The following RAVER2 variants were observed in gnomAD, a reference collection of about 807,000 sequenced individuals.
The protein encoded by RAVER2 is ribonucleoprotein PTB-binding 2.
A neutral mutation model predicts 78.1 loss-of-function variants in RAVER2; 46 were observed. The observed-to-expected ratio is 0.59, with a 90% CI of 0.46 to 0.75. The LOEUF is 0.75. RAVER2 is among the 30% of genes least tolerant of loss of function. The pLI, the probability that RAVER2 is intolerant of heterozygous loss-of-function variation, is 0.00. For synonymous variants in RAVER2, 311 were observed against 313.3 expected, an observed-to-expected ratio of 0.99 and a Z score of 0.08; for missense variants, 793 against 837.5, an observed-to-expected ratio of 0.95 and a Z score of 0.66.
chr1:64,810,669 A>G (rs1040391521), intron 9 of RAVER2, among the ~76,000 whole-genome samples: 3 of 152,142 alleles, frequency 2.0e-5, no homozygotes, highest in African/African-American at 4.8e-5. Context: ...CATTTCCCTA[A>G]TGATTAGTGA....
chr1:64,833,137 T>G, exon 12 of RAVER2: 1 of 178,604 alleles, frequency 5.6e-6, no homozygotes, highest in Non-Finnish European at 1.2e-5. Flanking sequence ...CACCCCTTCC[T>G]CCCCCCAAAA....
chr1:64,829,158 C>G (rs1032359647), intron 11 of RAVER2, among the ~76,000 whole-genome samples: 16 of 152,192 alleles, frequency 1.1e-4, no homozygotes, highest in African/African-American at 3.9e-4. Context: ...TGGCTTCTGA[C>G]AGTGAAGATG....
intron 2 of RAVER2, among the ~76,000 whole-genome samples, chr1:64,776,699 A>G (rs752866814): frequency 1.3e-5 from 2 of 149,036 alleles, no homozygotes; most frequent in African/African-American, 4.9e-5. Context: ...GTGGATTGCT[A>G]TGTATTTTTT....
chr1:64,811,456 C>A (rs937752467), intron 9 of RAVER2, among the ~76,000 whole-genome samples: 2 of 152,124 alleles, frequency 1.3e-5, no homozygotes, highest in Non-Finnish European at 2.9e-5. Flanking sequence ...ACTAGAAGTG[C>A]TCTCAAGAAA....
At chr1:64,766,027 G>A (rs190237050) in intron 1 of RAVER2, among the ~76,000 whole-genome samples, 53 of 152,204 alleles carry the variant, frequency 3.5e-4, no homozygotes, top group African/African-American at 1.2e-3. Context: ...GGGTGATGAC[G>A]TCATTGACTG....
chr1:64,766,763 C>G (rs1652185732), intron 1 of RAVER2, among the ~76,000 whole-genome samples: 1 of 152,082 alleles, frequency 6.6e-6, no homozygotes, highest in African/African-American at 2.4e-5. Context: ...TTCTATGCAA[C>G]TAAAAGCACA....
intron 1 of RAVER2, among the ~76,000 whole-genome samples, chr1:64,746,260 A>G (rs1445297637): frequency 6.6e-6 from 1 of 152,204 alleles, no homozygotes; most frequent in African/African-American, 2.4e-5. Flanking sequence ...ATACCTGAAG[A>G]TAACCATTGT....
chr1:64,815,030 C>A, intron 11 of RAVER2, 190 bp downstream of exon 11: 1 of 417,788 alleles, frequency 2.4e-6, no homozygotes, highest in Non-Finnish European at 3.8e-6. Flanking sequence ...TCATTTTGCA[C>A]TAGATATTTA....
At chr1:64,758,157 T>G (rs1651906923) in intron 1 of RAVER2, among the ~76,000 whole-genome samples, 1 of 152,154 alleles carries the variant, frequency 6.6e-6, no homozygotes, top group African/African-American at 2.4e-5. Flanking sequence ...CCTAAGATAC[T>G]AAGTTAAGAT....
At chr1:64,829,999 T>G (rs1278480150) in intron 11 of RAVER2, among the ~76,000 whole-genome samples, 1 of 152,214 alleles carries the variant, frequency 6.6e-6, no homozygotes, top group Non-Finnish European at 1.5e-5. Context: ...GTGACCGTTG[T>G]TGGTTCAAAA....
chr1:64,781,707 C>CT (rs1236060371), intron 4 of RAVER2, 136 bp downstream of exon 4: 55 of 902,222 alleles, frequency 6.1e-5, no homozygotes, highest in South Asian at 1.7e-4. Flanking sequence ...AAGACTTTTC[C>CT]TTTTTTTTAA....
At position 64,805,209 on chromosome 1, in the gene RAVER2, G is replaced by A. The variant is rs76650742; in HGVS notation, c.1411+104G>A. 1,155 of 1,033,092 alleles carry A rather than the reference G, an allele frequency of 1.1e-3. 1 individual carries two copies. Among genetic ancestry groups the A allele is most frequent in the Admixed American group, 6.1e-3 (230 of 37,840 alleles). 64.0% of individuals were successfully genotyped at this position (1,033,092 alleles called of 1,614,324 possible). ...TTATTTACAGGGAGGTCAAATTTGA[G>A]TTTTATTTAGTCATTTAAAATTTTG... On this transcript the variant is annotated intron_variant, in intron 8 of 11. Coordinates refer to ENST00000294428, the Ensembl canonical transcript of RAVER2.
intron 4 of RAVER2, among the ~76,000 whole-genome samples, chr1:64,787,655 C>T (rs1339801476): frequency 6.6e-6 from 1 of 152,194 alleles, no homozygotes; most frequent in Non-Finnish European, 1.5e-5. Context: ...ATCTTGTCCC[C>T]ATTGTCTCTG....
intron 11 of RAVER2, 90 bp from the exon 12 acceptor site, chr1:64,830,749 A>C (rs191776611): frequency 8.1e-7 from 1 of 1,228,586 alleles, no homozygotes; most frequent in African/African-American, 1.5e-5. Context: ...ATATTCACCA[A>C]GTCAAAGTGG....
intron 5 of RAVER2, among the ~76,000 whole-genome samples, chr1:64,789,996 T>C (rs987881677): frequency 1.3e-5 from 2 of 152,354 alleles, no homozygotes; most frequent in East Asian, 3.9e-4. Flanking sequence ...TTCTAAGTGT[T>C]ATGCAAATCT....
Position 64,814,821 on chromosome 1 carries a change from C to G in RAVER2, c.1910C>G (p.Pro637Arg), listed in dbSNP as rs779443650. 2.5e-6 allele frequency: 4 copies of G among 1,579,280 alleles called. No individual in the cohort carries two copies. The African/African-American group carries it at 5.4e-5, about 21-fold the overall frequency. ...GAAAAGTGCATTGCTTATTCTCCAC[C>G]TTTTGGTGATTATGCACAGGTAAAT... Residue 637 changes from proline to arginine, a missense_variant, in exon 11 of 12, where the codon CCT (proline) becomes CGT (arginine). Transcript: ENST00000294428.
chr1:64,808,880 T>G (rs905831720), intron 9 of RAVER2, among the ~76,000 whole-genome samples: 2 of 152,240 alleles, frequency 1.3e-5, no homozygotes, highest in Non-Finnish European at 2.9e-5. Context: ...TTTGCAATCT[T>G]TAATTCACTG....
chr1:64,792,955 C>G (rs1448968117), intron 5 of RAVER2, among the ~76,000 whole-genome samples: 1 of 152,188 alleles, frequency 6.6e-6, no homozygotes, highest in Non-Finnish European at 1.5e-5. Context: ...GTAATCCCAG[C>G]ACTTTGGGTC....
chr1:64,783,847 A>G (rs1364299832), intron 4 of RAVER2, among the ~76,000 whole-genome samples: 1 of 152,238 alleles, frequency 6.6e-6, no homozygotes, highest in Non-Finnish European at 1.5e-5. Context: ...ATTAAACTAA[A>G]GAGCTTCTGC....
Sources: gnomAD v4.1 joint callset for allele counts (sites outside exome capture counted in the v4.1 genomes callset) on GRCh38, gnomAD v4.1.1 for gene constraint, MANE v1.5 for transcripts, NCBI Gene and HGNC (gene_info 2026-07-23, HGNC 2026-07-21) for gene names.